DPP10: variants seen among roughly 807,000 people sequenced by gnomAD.
The protein encoded by DPP10 is dipeptidyl peptidase like 10.
A neutral mutation model predicts 120.9 loss-of-function variants in DPP10; 33 were observed. The observed-to-expected ratio is 0.27, with a 90% CI of 0.21 to 0.37. The LOEUF is 0.37. Ranked by LOEUF, DPP10 falls within the 10% of genes least tolerant of loss-of-function variation. The pLI is 1.00. For synonymous variants in DPP10, 337 were observed against 326.1 expected (o/e 1.03, Z -0.36); for missense variants, 816 against 942.8 (o/e 0.87, Z 1.76).
rs549997152 is a variant in DPP10, at chr2:115,845,429, T to C, written c.*3084T>C. On this transcript the variant is annotated 3_prime_UTR_variant, in exon 26 of 26. Transcript: ENST00000410059. ...ATGCTGCAAACCGATGTGAAGGTGT[T>C]ACTAACCCGCTAAAACACAATTAAT... is the stretch of plus-strand genomic sequence containing the variant. The C allele has an allele frequency of 2.9e-4, 44 of 152,312 alleles. No individual in the cohort carries two copies. The highest frequency in any genetic ancestry group is 9.9e-4 in the African/African-American group (41 of 41,576). The allele number at this position is 152,312 out of a possible 1,614,324, so 9.4% of individuals were successfully genotyped here.
chr2:114,997,070 A>G (rs896149327), intron 1 of DPP10, among the ~76,000 whole-genome samples: 5 of 151,826 alleles, frequency 3.3e-5, no homozygotes, highest in African/African-American at 1.2e-4. Flanking sequence ...GCCTCACTAG[A>G]TTATGTTAGG....
chr2:115,490,315 A>G (rs1402870134), intron 3 of DPP10, among the ~76,000 whole-genome samples: 1 of 152,158 alleles, frequency 6.6e-6, no homozygotes, highest in African/African-American at 2.4e-5. Context: ...AGCAGGGGAA[A>G]TGCCAGATGT....
At chr2:115,421,462 G>A (rs1473094430) in intron 3 of DPP10, among the ~76,000 whole-genome samples, 3 of 152,060 alleles carry the variant, frequency 2.0e-5, no homozygotes. Context: ...ATGATCTTCT[G>A]CAACATCAGT....
At chr2:114,506,057 A>C (rs1034411204) in intron 1 of DPP10, among the ~76,000 whole-genome samples, 6 of 152,252 alleles carry the variant, frequency 3.9e-5, no homozygotes, top group African/African-American at 1.4e-4. Context: ...GGGCAGAAGA[A>C]GGCAGGTCCC....
At chr2:115,274,759 G>T in intron 1 of DPP10, among the ~76,000 whole-genome samples, 1 of 152,182 alleles carries the variant, frequency 6.6e-6, no homozygotes, top group South Asian at 2.1e-4. Context: ...ATATTGAGAG[G>T]AGTTACATAA....
At chr2:114,821,193 C>T (rs1012224258) in intron 1 of DPP10, among the ~76,000 whole-genome samples, 1 of 152,156 alleles carries the variant, frequency 6.6e-6, no homozygotes, top group Admixed American at 6.5e-5. Flanking sequence ...GTTCACATAG[C>T]CCGTGAAAAA....
chr2:114,547,805 A>T (rs1193501848), intron 1 of DPP10, among the ~76,000 whole-genome samples: 4 of 152,218 alleles, frequency 2.6e-5, no homozygotes, highest in Non-Finnish European at 5.9e-5. Flanking sequence ...AAGGTTGCTG[A>T]ACCTGTCACT....
At chr2:114,965,983 A>AG (rs1406352953) in intron 1 of DPP10, among the ~76,000 whole-genome samples, 150 of 146,672 alleles carry the variant, frequency 1.0e-3, no homozygotes, top group African/African-American at 3.6e-3. Flanking sequence ...AAAAAAAAAA[A>AG]AAAAGAAAAA....
chr2:115,271,461 AT>A (rs929085238), intron 1 of DPP10, among the ~76,000 whole-genome samples: 1 of 151,808 alleles, frequency 6.6e-6, no homozygotes, highest in Non-Finnish European at 1.5e-5. Context: ...AGGTTGTTGC[AT>A]TTTTTTTCTT....
At chr2:115,496,761 G>A (rs906135436) in intron 3 of DPP10, among the ~76,000 whole-genome samples, 2 of 152,100 alleles carry the variant, frequency 1.3e-5, no homozygotes, top group African/African-American at 4.8e-5. Flanking sequence ...CCAGTTCACT[G>A]AGACGTTGGT....
intron 8 of DPP10, among the ~76,000 whole-genome samples, chr2:115,736,489 A>G (rs1246036038): frequency 6.6e-6 from 1 of 151,910 alleles, no homozygotes; most frequent in Non-Finnish European, 1.5e-5. Context: ...GAGATAAGGT[A>G]ATGTGGATTA....
chr2:114,905,851 A>T (rs1693919047), intron 1 of DPP10, among the ~76,000 whole-genome samples: 1 of 152,196 alleles, frequency 6.6e-6, no homozygotes, highest in Admixed American at 6.5e-5. Context: ...CTCAGCCTGT[A>T]TATAGATTAT....
intron 1 of DPP10, among the ~76,000 whole-genome samples, chr2:115,107,416 T>TATAACCA (rs1349272133): frequency 6.9e-6 from 1 of 144,260 alleles, no homozygotes; most frequent in African/African-American, 2.5e-5. Flanking sequence ...GTGGGATTGG[T>TATAACCA]TATAGCTTTT....
intron 1 of DPP10, among the ~76,000 whole-genome samples, chr2:114,953,247 A>T (rs1225613988): frequency 6.6e-6 from 1 of 152,294 alleles, no homozygotes; most frequent in Non-Finnish European, 1.5e-5. Flanking sequence ...CTATAGAACC[A>T]TTAGGCTCAG....
intron 1 of DPP10, among the ~76,000 whole-genome samples, chr2:114,864,684 G>A (rs952793902): frequency 4.6e-5 from 7 of 152,134 alleles, no homozygotes; most frequent in Non-Finnish European, 7.3e-5. Flanking sequence ...ACAAATATCC[G>A]GGGCTTGAAC....
rs533461223 is a variant in DPP10 at position 115,694,204 on chromosome 2, C to T, written c.576+4283C>T. Among the ~76,000 whole-genome samples the T allele has an allele frequency of 3.9e-5, 6 of 152,158 alleles. No homozygotes were observed. In the South Asian group the frequency reaches 1.2e-3, roughly 32 times the overall value. Reference sequence around the variant, plus strand: ...TTCATATGAGTTTGGCATGCTTTGTCAATATTTGAAGCTATTAGCAAACTC... The same window carrying T: ...TTCATATGAGTTTGGCATGCTTTGTTAATATTTGAAGCTATTAGCAAACTC... On this transcript the variant is annotated intron_variant, in intron 7 of 25. Coordinates refer to ENST00000410059, the MANE Select transcript of DPP10 (RefSeq NM_020868.6).
intron 4 of DPP10, among the ~76,000 whole-genome samples, chr2:115,518,130 C>G (rs183555459): frequency 1.4e-4 from 21 of 152,218 alleles, no homozygotes; most frequent in Admixed American, 1.2e-3. Flanking sequence ...AAAATGGCAC[C>G]AAGCCATTCA....
intron 8 of DPP10, among the ~76,000 whole-genome samples, chr2:115,734,106 G>T (rs2092975223): frequency 6.6e-6 from 1 of 152,106 alleles, no homozygotes; most frequent in African/African-American, 2.4e-5. Flanking sequence ...AAAGTCACAA[G>T]GCTCTCTATA....
At chr2:114,907,084 C>A (rs1246089274) in intron 1 of DPP10, among the ~76,000 whole-genome samples, 1 of 151,986 alleles carries the variant, frequency 6.6e-6, no homozygotes, top group Non-Finnish European at 1.5e-5. Context: ...TATTCCCTTT[C>A]ATATAAGTTA....
Sources: allele counts gnomAD v4.1 joint callset (sites outside exome capture counted in the v4.1 genomes callset), GRCh38; gene constraint gnomAD v4.1.1; transcripts MANE v1.5; gene names NCBI Gene and HGNC (gene_info 2026-07-23, HGNC 2026-07-21).